The following NATD1 variants were observed in gnomAD, a reference collection of about 807,000 sequenced individuals.
NATD1 encodes protein NATD1.
In NATD1, 9 loss-of-function variants were observed where a neutral mutation model predicts 12.0. The ratio of observed to expected loss-of-function variants is 0.75; its 90% CI spans 0.45 to 1.30. The LOEUF (loss-of-function observed/expected upper bound fraction) is 1.30. Ranked by LOEUF, NATD1 falls within the 50% of genes most tolerant of loss-of-function variation. The pLI is 0.00. For synonymous variants in NATD1, 71 were observed against 65.9 expected (o/e 1.08, Z -0.37); for missense variants, 148 against 148.5 (o/e 1.00, Z 0.02).
chr17:21,244,224 C>T lies in NATD1; in HGVS notation c.107G>A (p.Gly36Glu). ...RRRQFTVRLN[G>E]CHDRAVLLYE... ...GAGCAGGACGGCCCGGTCATGACAT[C>T]CTGGGGGTTGTGGAGACAGGTAAGC... The change falls in exon 2 of 3, where the codon GGA (glycine) becomes GAA (glutamate). Residue 36 changes from glycine (G) to glutamate (E), a missense_variant and splice_region_variant. Physicochemically the swap from Gly to Glu is moderately conservative, Grantham distance 98. Coordinates refer to ENST00000611551, the MANE Select transcript of NATD1 (RefSeq NM_152914.3). This position sits in a 1 kb window ranked among gnomAD's most constrained non-coding sequence, Gnocchi z 5.2. 6.2e-7 allele frequency: 1 copy of T among 1,610,416 alleles called. No homozygotes were observed. Among genetic ancestry groups the T allele is most frequent in the Non-Finnish European group, 8.5e-7 (1 of 1,178,320 alleles).
intron 1 of NATD1, among the ~76,000 whole-genome samples, chr17:21,247,735 G>C (rs1286344376): frequency 6.6e-6 from 1 of 152,192 alleles, no homozygotes; most frequent in Non-Finnish European, 1.5e-5. Context: ...GAGCTCTCAA[G>C]GCAGCTCTTA....
rs1975309047 is a variant in NATD1 at position 21,244,544 on chromosome 17, G to A, written c.107-320C>T. 6.6e-6 allele frequency among the ~76,000 whole-genome samples: 1 copy of A among 152,090 alleles called. No individual in the cohort carries two copies. The highest frequency in any genetic ancestry group is 2.4e-5 in the African/African-American group (1 of 41,408). ...CCCTGCCACCCCTTTCTGTAGCCCT[G>A]CTCCCTGCATCCCCACCCCACCACA... On this transcript the variant is annotated intron_variant, in intron 1 of 2. Coordinates refer to ENST00000611551, the MANE Select transcript of NATD1 (RefSeq NM_152914.3). This position sits in a 1 kb window ranked among gnomAD's most constrained non-coding sequence, Gnocchi z 5.2.
rs1487653649 is a variant in NATD1, at chr17:21,253,328, G to A, written c.-64C>T. On this transcript the variant is annotated 5_prime_UTR_variant, in exon 1 of 3. Coordinates refer to ENST00000611551, the MANE Select transcript of NATD1 (RefSeq NM_152914.3). ...GGGCGCGCGGGGAAAGGTCAGGCGCGCGGCGGGGCTGGAGCGCGGGCGCAG... is the reference window on the plus strand; with the variant it reads ...GGGCGCGCGGGGAAAGGTCAGGCGCACGGCGGGGCTGGAGCGCGGGCGCAG... The A allele has an allele frequency of 1.2e-5, 9 of 732,120 alleles. No individual in the cohort carries two copies. The highest frequency in any genetic ancestry group is 1.3e-5 in the Non-Finnish European group (8 of 599,540). The allele number at this position is 732,120 out of a possible 1,614,324, so 45.4% of individuals were successfully genotyped here.
At chr17:21,248,270 C>A (rs141272431) in intron 1 of NATD1, among the ~76,000 whole-genome samples, 2 of 152,200 alleles carry the variant, frequency 1.3e-5, no homozygotes, top group African/African-American at 2.4e-5. Flanking sequence ...CCGGTCCTCA[C>A]GCTCAACTCC....
intron 1 of NATD1, among the ~76,000 whole-genome samples, chr17:21,245,230 G>T (rs557674278): frequency 2.8e-4 from 42 of 152,222 alleles, no homozygotes; most frequent in South Asian, 1.0e-3. Context: ...CCGCTGGAGT[G>T]GGGTGGGTGA....
chr17:21,248,119 T>C (rs1975342730), intron 1 of NATD1, among the ~76,000 whole-genome samples: 1 of 152,122 alleles, frequency 6.6e-6, no homozygotes, highest in South Asian at 2.1e-4. Context: ...CCAGACCACA[T>C]GGCACTGGGC....
intron 1 of NATD1, among the ~76,000 whole-genome samples, chr17:21,248,608 T>C (rs937661760): frequency 3.3e-5 from 5 of 152,302 alleles, no homozygotes; most frequent in African/African-American, 9.6e-5. Context: ...AGGGTAGCAC[T>C]GTCAGCCACG....
chr17:21,243,452 A>G, intron 2 of NATD1, 23 bp from the exon 3 acceptor site: 1 of 1,591,836 alleles, frequency 6.3e-7, no homozygotes, highest in South Asian at 1.1e-5. Flanking sequence ...CAGAGAGGAG[A>G]GTGGTCAGGG....
intron 1 of NATD1, among the ~76,000 whole-genome samples, 154 bp downstream of exon 1, chr17:21,253,005 C>A (rs1975392745): frequency 1.3e-5 from 2 of 149,904 alleles, no homozygotes; most frequent in Admixed American, 1.3e-4. Context: ...CCGCCCGGGA[C>A]CACCCCGCGG....
At chr17:21,245,165 C>T (rs1201045423) in intron 1 of NATD1, among the ~76,000 whole-genome samples, 1 of 151,936 alleles carries the variant, frequency 6.6e-6, no homozygotes, top group Non-Finnish European at 1.5e-5. Context: ...GTGTTCTGGG[C>T]AGAGGGAACA....
intron 1 of NATD1, among the ~76,000 whole-genome samples, chr17:21,250,712 T>C (rs547676330): frequency 6.6e-6 from 1 of 152,310 alleles, no homozygotes; most frequent in South Asian, 2.1e-4. Context: ...TGACTCCAGG[T>C]GCCCAGGGCC....
chr17:21,243,660 G>A (rs1975299769), intron 2 of NATD1, among the ~76,000 whole-genome samples: 1 of 152,172 alleles, frequency 6.6e-6, no homozygotes. Context: ...AGGCAGCATG[G>A]AGGACAAAGG....
intron 1 of NATD1, among the ~76,000 whole-genome samples, chr17:21,247,757 A>G (rs1214879604): frequency 1.3e-5 from 2 of 152,200 alleles, no homozygotes; most frequent in South Asian, 2.1e-4. Context: ...AGCCTAGCCC[A>G]GATAAGGGCC....
At chr17:21,248,907 C>T (rs1975351281) in intron 1 of NATD1, among the ~76,000 whole-genome samples, 1 of 152,186 alleles carries the variant, frequency 6.6e-6, no homozygotes, top group Admixed American at 6.5e-5. Context: ...ATCACTACCA[C>T]CCTCCTCCCT....
chr17:21,251,306 A>AC (rs1181882750), intron 1 of NATD1, among the ~76,000 whole-genome samples: 191 of 151,872 alleles, frequency 1.3e-3, no homozygotes, highest in African/African-American at 4.3e-3. Context: ...AAAAAAAAAA[A>AC]AAAAACAAAC....
chr17:21,250,970 C>A (rs933329378), intron 1 of NATD1, among the ~76,000 whole-genome samples: 1 of 152,194 alleles, frequency 6.6e-6, no homozygotes, highest in Non-Finnish European at 1.5e-5. Context: ...TGTTGTCCTC[C>A]TCAGCTCAGG....
At position 21,241,192 on chromosome 17, in the gene NATD1, C is replaced by G. The variant is rs1213363971; in HGVS notation, c.*2121G>C. On this transcript the variant is annotated 3_prime_UTR_variant, in exon 3 of 3. Transcript: ENST00000611551. ...ACCAGGCCCATTCCCTCCTGGCTCTCAAGGTCCATGCTGGCCCTCAGGGGC... is the reference window on the plus strand; with the variant it reads ...ACCAGGCCCATTCCCTCCTGGCTCTGAAGGTCCATGCTGGCCCTCAGGGGC... The G allele has an allele frequency of 6.6e-6, 1 of 152,382 alleles. No individual in the cohort carries two copies. The highest frequency in any genetic ancestry group is 1.5e-5 in the Non-Finnish European group (1 of 68,196). The allele number at this position is 152,382 out of a possible 1,614,324, so 9.4% of individuals were successfully genotyped here.
intron 1 of NATD1, among the ~76,000 whole-genome samples, chr17:21,251,242 A>G (rs1975372088): frequency 6.6e-6 from 1 of 150,402 alleles, no homozygotes; most frequent in Non-Finnish European, 1.5e-5. Flanking sequence ...GACCACGGCC[A>G]GCTCTGGAGG....
At position 21,244,273 on chromosome 17, in the gene NATD1, G is replaced by C. The variant is rs763250713; in HGVS notation, c.107-49C>G. 1 of 1,534,344 alleles carries C rather than the reference G, an allele frequency of 6.5e-7. No homozygotes were observed. Among genetic ancestry groups the C allele is most frequent in the Admixed American group, 1.8e-5 (1 of 55,830 alleles). ...GCCTATGCTGACTCCCATCCCAGCG[G>C]ACTCAGGCACCAAGACGGGTGGAGG... On this transcript the variant is annotated intron_variant, in intron 1 of 2. Coordinates refer to ENST00000611551, the MANE Select transcript of NATD1 (RefSeq NM_152914.3). This position sits in a 1 kb window ranked among gnomAD's most constrained non-coding sequence, Gnocchi z 5.2.
Sources: gnomAD v4.1 joint callset for allele counts (sites outside exome capture counted in the v4.1 genomes callset) on GRCh38, gnomAD v4.1.1 for gene constraint, Gnocchi (gnomAD v3.1) non-coding constraint, MANE v1.5 for transcripts, NCBI Gene and HGNC (gene_info 2026-07-23, HGNC 2026-07-21) for gene names.